Variants in ALDH8A1 observed in about 807,000 individuals in gnomAD.
The protein encoded by ALDH8A1 is aldehyde dehydrogenase 8 family member A1.
ALDH8A1 carries 39 observed loss-of-function variants against 43.3 expected under a neutral mutation model. The ratio of observed to expected loss-of-function variants is 0.90; its 90% CI spans 0.70 to 1.18. The LOEUF is 1.18. ALDH8A1 is among the 50% of genes most tolerant of loss of function. ALDH8A1 has a pLI of 0.00. For synonymous variants in ALDH8A1, 233 were observed against 243.5 expected (o/e 0.96, Z 0.40); for missense variants, 605 against 622.6 (o/e 0.97, Z 0.30).
Position 134,917,626 on chromosome 6 carries a change from T to C in ALDH8A1, c.*789A>G, listed in dbSNP as rs1027657376. ...ACCACATAGCCTTCCCCTAACAAAT[T>C]CCAAAGACGTCCACAGCCCCCTTAT... On this transcript the variant is annotated 3_prime_UTR_variant, in exon 7 of 7. Transcript: ENST00000265605. 1 of 152,198 alleles carries C rather than the reference T, an allele frequency of 6.6e-6. No homozygotes were observed. Among genetic ancestry groups the C allele is most frequent in the Non-Finnish European group, 1.5e-5 (1 of 68,064 alleles). The allele number at this position is 152,198 out of a possible 1,614,324, so 9.4% of individuals were successfully genotyped here.
chr6:134,934,039 C>G (rs183098747), intron 4 of ALDH8A1, among the ~76,000 whole-genome samples: 1 of 152,312 alleles, frequency 6.6e-6, no homozygotes, highest in African/African-American at 2.4e-5. Flanking sequence ...CTTACTTGTT[C>G]ATTGCCTGCA....
At chr6:134,934,473 ATCACCAT>A (rs958337370) in intron 4 of ALDH8A1, among the ~76,000 whole-genome samples, 10 of 152,166 alleles carry the variant, frequency 6.6e-5, no homozygotes, top group African/African-American at 2.4e-4. Context: ...CTAAAAACTG[ATCACCAT>A]CTCGACTGGT....
At chr6:134,921,370 G>C (rs1776797472) in intron 6 of ALDH8A1, among the ~76,000 whole-genome samples, 1 of 152,178 alleles carries the variant, frequency 6.6e-6, no homozygotes, top group South Asian at 2.1e-4. Flanking sequence ...TACACAGCCA[G>C]ATCCTCCAGA....
At chr6:134,918,974 T>C in intron 6 of ALDH8A1, 107 bp from the exon 7 acceptor site, 1 of 1,265,298 alleles carries the variant, frequency 7.9e-7, no homozygotes, top group Admixed American at 2.2e-5. Flanking sequence ...GATAAGGTCA[T>C]TCCTAAGAAA....
At chr6:134,942,830 G>T (rs993470082) in intron 2 of ALDH8A1, among the ~76,000 whole-genome samples, 1 of 152,202 alleles carries the variant, frequency 6.6e-6, no homozygotes, top group Non-Finnish European at 1.5e-5. Context: ...CTCATCACCA[G>T]TTTGCCAGAT....
chr6:134,925,728 A>C (rs762528404), intron 6 of ALDH8A1, among the ~76,000 whole-genome samples: 2 of 152,184 alleles, frequency 1.3e-5, no homozygotes, highest in Non-Finnish European at 2.9e-5. Flanking sequence ...CATATATTGC[A>C]TGTCAGATGA....
chr6:134,932,113 T>C (rs1406844301), intron 5 of ALDH8A1, among the ~76,000 whole-genome samples: 4 of 152,226 alleles, frequency 2.6e-5, no homozygotes, highest in South Asian at 2.1e-4. Flanking sequence ...AGCATTGACA[T>C]TGAAAATACC....
In ALDH8A1 at chr6:134,938,757, C is replaced by T. The variant is rs950903871; in HGVS notation, c.592+509G>A. ...CCGCCTCCTGGGTTCATGCCATTCT[C>T]CTGCCTCAGTCTCCCAAGTAGCTGG... On this transcript the variant is annotated intron_variant, in intron 4 of 6. Transcript: ENST00000265605. 3.9e-5 allele frequency among the ~76,000 whole-genome samples: 6 copies of T among 152,248 alleles called. No homozygotes were observed. The East Asian group carries it at 7.7e-4, about 20-fold the overall frequency.
Position 134,929,068 on chromosome 6 carries a change from C to A in ALDH8A1, c.997G>T (p.Ala333Ser). Reference protein sequence around the residue: ...LVSIGALISKAHLEKVRSYVK... With the variant: ...LVSIGALISKSHLEKVRSYVK... ...AATTTACTTACTTTCTCCAAATGTGCTTTACTTATCAGAGCACCTATGCTC... is the reference window on the plus strand; with the variant it reads ...AATTTACTTACTTTCTCCAAATGTGATTTACTTATCAGAGCACCTATGCTC... Residue 333 changes from alanine (A) to serine (S), a missense_variant, in exon 6 of 7, where the codon GCA (alanine) becomes TCA (serine). Physicochemically the swap from Ala to Ser is moderately conservative, Grantham distance 99. Transcript: ENST00000265605. 1 of 1,613,326 alleles carries A rather than the reference C, an allele frequency of 6.2e-7. No individual in the cohort carries two copies. Among genetic ancestry groups the A allele is most frequent in the South Asian group, 1.1e-5 (1 of 90,724 alleles).
At chr6:134,940,700 A>C (rs1029275747) in intron 3 of ALDH8A1, among the ~76,000 whole-genome samples, 1 of 152,218 alleles carries the variant, frequency 6.6e-6, no homozygotes, top group Non-Finnish European at 1.5e-5. Context: ...AAAACAAACA[A>C]ATATAAAAAT....
In ALDH8A1 at chr6:134,920,786, C is replaced by T. The variant is rs72970291; in HGVS notation, c.1012-1919G>A. On this transcript the variant is annotated intron_variant, in intron 6 of 6. Transcript: ENST00000265605. The stretch of plus-strand genomic sequence containing the variant: ...CATGACTAGTAATATGCTATAAATA[C>T]AAGAAATTATTATAAAATGTTTTCT... Among the ~76,000 whole-genome samples the T allele has an allele frequency of 4.1e-3, 630 of 152,170 alleles. 11 individuals are homozygous for T. Among genetic ancestry groups the T allele is most frequent in the Non-Finnish European group, 6.9e-3 (470 of 68,004 alleles).
At chr6:134,936,966 T>C (rs954063909) in intron 4 of ALDH8A1, among the ~76,000 whole-genome samples, 1 of 151,962 alleles carries the variant, frequency 6.6e-6, no homozygotes, top group Non-Finnish European at 1.5e-5. Flanking sequence ...ACCCCTCAAA[T>C]GTAGGGGCTT....
chr6:134,920,626 T>C (rs1776783330), intron 6 of ALDH8A1, among the ~76,000 whole-genome samples: 1 of 152,176 alleles, frequency 6.6e-6, no homozygotes, highest in South Asian at 2.1e-4. Context: ...ACTGTGAACT[T>C]ATCAAAACAT....
rs374755074 is a variant in ALDH8A1, at chr6:134,939,250, C to T, written c.592+16G>A. ...TCCAACTCTGTGCCTGCCCCCCAAC[C>T]CCAACACCTAATTACCTGCTTTATC... On this transcript the variant is annotated intron_variant, in intron 4 of 6. Transcript: ENST00000265605. The T allele has an allele frequency of 4.9e-5, 79 of 1,612,958 alleles. No homozygotes were observed. Among genetic ancestry groups the T allele is most frequent in the African/African-American group, 8.0e-5 (6 of 74,894 alleles).
At chr6:134,933,327 T>G (rs1275129728) in intron 4 of ALDH8A1, among the ~76,000 whole-genome samples, 1 of 152,218 alleles carries the variant, frequency 6.6e-6, no homozygotes, top group Non-Finnish European at 1.5e-5. Context: ...TAATACTGGC[T>G]AGGCCTTAGG....
chr6:134,933,154 T>C (rs116958746), intron 4 of ALDH8A1, 122 bp from the exon 5 acceptor site: 21,891 of 1,204,966 alleles, frequency 0.018, 252 homozygotes, highest in South Asian at 0.028. Flanking sequence ...GAGGAAGCAC[T>C]TGGGTTTTAC....
At chr6:134,934,974 C>T (rs746265042) in intron 4 of ALDH8A1, among the ~76,000 whole-genome samples, 25 of 152,244 alleles carry the variant, frequency 1.6e-4, no homozygotes, top group Non-Finnish European at 2.5e-4. Context: ...TTTCCCCTTT[C>T]ATAAATATTC....
chr6:134,949,795 C>T, intron 1 of ALDH8A1, 121 bp downstream of exon 1: 1 of 1,161,858 alleles, frequency 8.6e-7, no homozygotes, highest in African/African-American at 1.6e-5. Flanking sequence ...TAGAATCTTC[C>T]TTCTATCATG....
intron 1 of ALDH8A1, among the ~76,000 whole-genome samples, chr6:134,945,872 C>A (rs1773941111): frequency 6.6e-6 from 1 of 152,120 alleles, no homozygotes. Flanking sequence ...GAATTGTAAT[C>A]CCCCTGTGTT....
Sources: gnomAD v4.1 joint callset for allele counts (sites outside exome capture counted in the v4.1 genomes callset) on GRCh38, gnomAD v4.1.1 for gene constraint, MANE v1.5 for transcripts, NCBI Gene and HGNC (gene_info 2026-07-23, HGNC 2026-07-21) for gene names.